Variants in COL26A1 observed in about 807,000 individuals in gnomAD.
COL26A1 encodes collagen type XXVI alpha 1 chain.
A neutral mutation model predicts 59.3 loss-of-function variants in COL26A1; 41 were observed. The observed-to-expected ratio is 0.69, with a 90% confidence interval of 0.54 to 0.90. COL26A1 has a LOEUF of 0.90. Among genes scored for constraint, COL26A1 ranks in the 40% least tolerant of loss-of-function variants. The pLI is 0.00. For synonymous variants in COL26A1, 266 were observed against 256.0 expected (o/e 1.04, Z -0.37); for missense variants, 612 against 602.3 (o/e 1.02, Z -0.17).
intron 5 of COL26A1, among the ~76,000 whole-genome samples, chr7:101,542,340 T>A (rs375971801): frequency 1.3e-5 from 2 of 152,158 alleles, no homozygotes; most frequent in Non-Finnish European, 2.9e-5. Flanking sequence ...TGACCTCAAG[T>A]GATCCACCCG....
intron 3 of COL26A1, among the ~76,000 whole-genome samples, chr7:101,452,761 T>G (rs1447828465): frequency 6.6e-6 from 1 of 151,922 alleles, no homozygotes; most frequent in African/African-American, 2.4e-5. Context: ...ATATTATTAT[T>G]ATTATTTATT....
chr7:101,402,151 C>T (rs573125261), intron 1 of COL26A1, among the ~76,000 whole-genome samples: 7 of 152,192 alleles, frequency 4.6e-5, no homozygotes, highest in Admixed American at 3.9e-4. Flanking sequence ...CACCGGCTGC[C>T]GGACAATTAG....
intron 1 of COL26A1, among the ~76,000 whole-genome samples, chr7:101,394,189 TG>T (rs940183018): frequency 6.6e-6 from 1 of 152,014 alleles, no homozygotes; most frequent in African/African-American, 2.4e-5. Flanking sequence ...GATGTTACCA[TG>T]GAAACCAGAG....
At chr7:101,431,761 G>A (rs1212147431) in intron 2 of COL26A1, among the ~76,000 whole-genome samples, 1 of 151,790 alleles carries the variant, frequency 6.6e-6, no homozygotes, top group African/African-American at 2.4e-5. Context: ...AAGCAATGTT[G>A]CAATCCTGGA....
chr7:101,437,630 A>G (rs908666952), intron 2 of COL26A1, among the ~76,000 whole-genome samples: 2 of 151,980 alleles, frequency 1.3e-5, no homozygotes, highest in South Asian at 2.1e-4. Flanking sequence ...GCTGGAGTGC[A>G]GTGGTACATT....
At chr7:101,413,807 C>A (rs573671726) in intron 1 of COL26A1, among the ~76,000 whole-genome samples, 1 of 152,258 alleles carries the variant, frequency 6.6e-6, no homozygotes, top group Admixed American at 6.5e-5. Context: ...CCTGCCATGT[C>A]CCAGTTCTGT....
intron 1 of COL26A1, among the ~76,000 whole-genome samples, chr7:101,417,716 A>T (rs1792413715): frequency 6.7e-6 from 1 of 149,480 alleles, no homozygotes; most frequent in Non-Finnish European, 1.5e-5. Flanking sequence ...ATAGATATCT[A>T]TATCTATAAT....
At chr7:101,409,642 T>C (rs1792199471) in intron 1 of COL26A1, among the ~76,000 whole-genome samples, 1 of 152,252 alleles carries the variant, frequency 6.6e-6, no homozygotes, top group Admixed American at 6.5e-5. Flanking sequence ...ACCATGCAGA[T>C]GCAGCCAAAA....
At chr7:101,490,454 C>A (rs1236822931) in intron 3 of COL26A1, among the ~76,000 whole-genome samples, 1 of 151,832 alleles carries the variant, frequency 6.6e-6, no homozygotes, top group East Asian at 2.0e-4. Flanking sequence ...GTAATCCCAG[C>A]ACTTTGGGAG....
intron 1 of COL26A1, among the ~76,000 whole-genome samples, chr7:101,390,818 G>A (rs566818577): frequency 6.6e-6 from 1 of 152,216 alleles, no homozygotes; most frequent in African/African-American, 2.4e-5. Flanking sequence ...TATCTGGTGA[G>A]GTCTCAGGGA....
Position 101,555,790 on chromosome 7 carries a change from G to C in COL26A1, c.1084G>C (p.Glu362Gln). Residue 362 changes from glutamate to glutamine, a missense_variant, in exon 12 of 13, where the codon GAG becomes CAG. By Grantham distance (29) the Glu-to-Gln change is conservative. Transcript: ENST00000313669. ...CTGCCTGTTTCCTCCCCGCCAGGGCGAGGGGGTGCAGCAGCTGAGAGAGGC... is the reference window on the plus strand; with the variant it reads ...CTGCCTGTTTCCTCCCCGCCAGGGCCAGGGGGTGCAGCAGCTGAGAGAGGC... ...EGEKAATAEGEGVQQLREALK... is the reference protein window; with the variant it reads ...EGEKAATAEGQGVQQLREALK... 6.2e-7 allele frequency: 1 copy of C among 1,608,982 alleles called. No homozygotes were observed. Among genetic ancestry groups the C allele is most frequent in the Non-Finnish European group, 8.5e-7 (1 of 1,178,348 alleles).
intron 1 of COL26A1, among the ~76,000 whole-genome samples, chr7:101,385,367 G>GTGTATATATA (rs896826101): frequency 2.9e-5 from 4 of 137,022 alleles, no homozygotes; most frequent in Non-Finnish European, 6.5e-5. Flanking sequence ...ATATATGTGT[G>GTGTATATATA]TATATATATA....
intron 3 of COL26A1, among the ~76,000 whole-genome samples, chr7:101,505,118 A>C (rs1294163680): frequency 6.6e-6 from 1 of 151,378 alleles, no homozygotes; most frequent in East Asian, 1.9e-4. Context: ...GCCTGGGTGA[A>C]AAAAAAAAGT....
chr7:101,488,863 T>C (rs536398312), intron 3 of COL26A1, among the ~76,000 whole-genome samples: 87 of 152,334 alleles, frequency 5.7e-4, no homozygotes, highest in Non-Finnish European at 2.9e-4. Context: ...GTACCTTTTA[T>C]TGTCTTTGAG....
In COL26A1 at chr7:101,545,392, GC is replaced by G. The variant is rs779191604; in HGVS notation, c.764del (p.Pro255GlnfsTer94). The G allele has an allele frequency of 4.4e-6, 7 of 1,588,958 alleles. No homozygotes were observed. Among genetic ancestry groups the G allele is most frequent in the African/African-American group, 2.7e-5 (2 of 72,840 alleles). On this transcript the variant is annotated frameshift_variant, in exon 7 of 13. Coordinates refer to ENST00000313669, the MANE Select transcript of COL26A1 (RefSeq NM_001278563.3). LOFTEE classifies it high-confidence loss of function. Reference protein sequence around the residue: ...RGLPGEMGRPGPPGPPGPAGN... With the variant: ...RGLPGEMGRPXPPGPPGPAGN... ...CTTCCTGGAGAGATGGGGCGCCCCG[GC>G]CCCCCAGGACCACCCGGCCCAGCAG...
chr7:101,392,751 C>T (rs886964324), intron 1 of COL26A1, among the ~76,000 whole-genome samples: 1 of 152,024 alleles, frequency 6.6e-6, no homozygotes, highest in Non-Finnish European at 1.5e-5. Flanking sequence ...GGGTGACAGT[C>T]ATTTGTGATC....
intron 3 of COL26A1, among the ~76,000 whole-genome samples, chr7:101,507,614 T>A (rs7781434): frequency 0.033 from 4,978 of 152,172 alleles, 98 homozygotes; most frequent in South Asian, 0.062. Context: ...AGATGGGGTT[T>A]CTCCGTGTTG....
At chr7:101,364,985 T>C (rs746916829) in intron 1 of COL26A1, among the ~76,000 whole-genome samples, 5 of 152,228 alleles carry the variant, frequency 3.3e-5, no homozygotes, top group Non-Finnish European at 7.3e-5. Context: ...GATTTCTGGC[T>C]AATTCCTTAA....
intron 1 of COL26A1, among the ~76,000 whole-genome samples, chr7:101,372,340 A>G (rs1791215114): frequency 1.3e-5 from 2 of 151,930 alleles, no homozygotes; most frequent in Admixed American, 6.6e-5. Context: ...TAAGTTTTGT[A>G]TTTTTAGTAG....
Sources: allele counts gnomAD v4.1 joint callset (sites outside exome capture counted in the v4.1 genomes callset), GRCh38; gene constraint gnomAD v4.1.1; transcripts MANE v1.5; gene names NCBI Gene and HGNC (gene_info 2026-07-23, HGNC 2026-07-21).